The following SAMD5 variants were observed in gnomAD, a reference collection of about 807,000 sequenced individuals.
SAMD5 encodes sterile alpha motif domain containing 5.
Under a neutral mutation model 11.3 loss-of-function variants are expected in SAMD5, and 13 were observed. That is an observed-to-expected ratio of 1.15 (90% CI 0.75 to 1.83). The LOEUF is 1.83. SAMD5 is among the 40% of genes most tolerant of loss of function. SAMD5 has a pLI of 0.00. For missense variants in SAMD5, 255 were observed against 239.1 expected (o/e 1.07, Z -0.44); for synonymous variants, 129 against 111.3 (o/e 1.16, Z -1.00).
At chr6:147,829,221 G>C in the SAMD5 span, among the ~76,000 whole-genome samples, 2 of 152,180 alleles carry the variant, frequency 1.3e-5, no homozygotes, top group African/African-American at 2.4e-5. Context: ...CAAGCCAGTG[G>C]AGCAAATACA....
intron 1 of SAMD5, among the ~76,000 whole-genome samples, chr6:147,623,125 C>T (rs1789997072): frequency 6.6e-6 from 1 of 152,164 alleles, no homozygotes. Context: ...TTGGACAGAC[C>T]ATCTAGCCTG....
intron 1 of SAMD5, among the ~76,000 whole-genome samples, chr6:147,540,182 GA>G (rs932316981): frequency 2.0e-5 from 3 of 152,174 alleles, no homozygotes; most frequent in African/African-American, 4.8e-5. Flanking sequence ...TAATAGGGGG[GA>G]AAACCTCAAT....
the SAMD5 span, among the ~76,000 whole-genome samples, chr6:147,815,217 G>A: frequency 2.0e-5 from 3 of 152,222 alleles, no homozygotes; most frequent in Non-Finnish European, 4.4e-5. Context: ...CCCCTTACCA[G>A]CCTCGTTCAC....
chr6:147,874,299 A>G, the SAMD5 span, among the ~76,000 whole-genome samples: 610 of 152,298 alleles, frequency 4.0e-3, 1 homozygote, highest in African/African-American at 0.014. Flanking sequence ...ATTGATCTAA[A>G]ATGTCTCTAG....
chr6:147,834,705 G>A, the SAMD5 span, among the ~76,000 whole-genome samples: 1 of 152,176 alleles, frequency 6.6e-6, no homozygotes, highest in Non-Finnish European at 1.5e-5. Context: ...AGACAATACA[G>A]TTTGGCCTCT....
the SAMD5 span, among the ~76,000 whole-genome samples, chr6:147,933,844 T>C: frequency 6.6e-6 from 1 of 152,056 alleles, no homozygotes. Context: ...GGAAGAGAAA[T>C]GTGTCAAAAG....
the SAMD5 span, among the ~76,000 whole-genome samples, chr6:147,768,372 C>T: frequency 1.3e-5 from 2 of 152,082 alleles, no homozygotes; most frequent in South Asian, 4.1e-4. Flanking sequence ...GTAGCATGTG[C>T]CTGTAATCCC....
chr6:147,567,593 C>T lies in SAMD5; in HGVS notation c.*3137C>T. Reference sequence around the variant, plus strand: ...GCTTAAGAGTTCTATGGCTTACACCCACATACAGTCCTTGGCTCAGTGCTA... The same window carrying T: ...GCTTAAGAGTTCTATGGCTTACACCTACATACAGTCCTTGGCTCAGTGCTA... On this transcript the variant is annotated 3_prime_UTR_variant, in exon 2 of 2. Transcript: ENST00000367474. 2 of 940,802 alleles carry T rather than the reference C, an allele frequency of 2.1e-6. No individual in the cohort carries two copies. Among genetic ancestry groups the T allele is most frequent in the Non-Finnish European group, 1.3e-6 (1 of 789,738 alleles). 58.3% of individuals were successfully genotyped at this position (940,802 alleles called of 1,614,324 possible).
At chr6:147,830,353 T>C in the SAMD5 span, among the ~76,000 whole-genome samples, 2 of 147,284 alleles carry the variant, frequency 1.4e-5, no homozygotes, top group African/African-American at 5.1e-5. Flanking sequence ...ACTTCCCGGG[T>C]TCAAGCAATT....
the SAMD5 span, among the ~76,000 whole-genome samples, chr6:147,839,180 G>T: frequency 1.3e-5 from 2 of 152,056 alleles, no homozygotes; most frequent in Non-Finnish European, 2.9e-5. Flanking sequence ...TCACATGTGT[G>T]CCCCTCATCC....
At chr6:147,765,503 A>G in the SAMD5 span, among the ~76,000 whole-genome samples, 1 of 152,264 alleles carries the variant, frequency 6.6e-6, no homozygotes, top group African/African-American at 2.4e-5. Flanking sequence ...ATCCACAAGG[A>G]CAAAGAGAGC....
At chr6:147,764,314 C>G in the SAMD5 span, among the ~76,000 whole-genome samples, 1 of 152,128 alleles carries the variant, frequency 6.6e-6, no homozygotes, top group Non-Finnish European at 1.5e-5. Context: ...TGGGTCTGCT[C>G]TTAATCATAC....
the SAMD5 span, among the ~76,000 whole-genome samples, chr6:147,813,859 T>C: frequency 6.6e-6 from 1 of 152,238 alleles, no homozygotes; most frequent in Non-Finnish European, 1.5e-5. Context: ...TATATTTTAA[T>C]TGTGAAGGCT....
At chr6:147,894,433 T>G in the SAMD5 span, among the ~76,000 whole-genome samples, 1 of 152,136 alleles carries the variant, frequency 6.6e-6, no homozygotes, top group African/African-American at 2.4e-5. Flanking sequence ...AATGCCACAT[T>G]TTTGATACTG....
chr6:147,666,713 G>T (rs1790727191), intron 1 of SAMD5, among the ~76,000 whole-genome samples: 2 of 152,186 alleles, frequency 1.3e-5, no homozygotes, highest in South Asian at 4.1e-4. Flanking sequence ...TGTAAATACA[G>T]GGATATACAG....
chr6:147,641,440 A>AAGTG (rs1476315639), intron 1 of SAMD5, among the ~76,000 whole-genome samples: 7 of 152,276 alleles, frequency 4.6e-5, no homozygotes, highest in African/African-American at 1.7e-4. Flanking sequence ...TGTACCTGGT[A>AAGTG]AAGTGAAGTG....
Position 147,566,410 on chromosome 6 carries a change from A to C in SAMD5, c.*1954A>C, listed in dbSNP as rs1300419551. The C allele has an allele frequency of 1.0e-6, 1 of 984,900 alleles. No individual in the cohort carries two copies. Among genetic ancestry groups the C allele is most frequent in the Non-Finnish European group, 1.2e-6 (1 of 829,396 alleles). 61.0% of individuals were successfully genotyped at this position (984,900 alleles called of 1,614,324 possible). On this transcript the variant is annotated 3_prime_UTR_variant, in exon 2 of 2. Transcript: ENST00000367474. ...GTGATAACAAATGGCTTCCTGTTTGACCTCATTTCCAGGTGTCGCATCCGT... is the reference window on the plus strand; with the variant it reads ...GTGATAACAAATGGCTTCCTGTTTGCCCTCATTTCCAGGTGTCGCATCCGT...
chr6:147,768,142 TGGTATATACAGCTA>T, the SAMD5 span, among the ~76,000 whole-genome samples: 1 of 152,200 alleles, frequency 6.6e-6, no homozygotes, highest in Non-Finnish European at 1.5e-5. Context: ...TTTTTGGTGA[TGGTATATACAGCTA>T]GGTGTACCAA....
the SAMD5 span, among the ~76,000 whole-genome samples, chr6:147,917,709 T>C: frequency 6.6e-6 from 1 of 152,236 alleles, no homozygotes; most frequent in African/African-American, 2.4e-5. Context: ...TTTAAGTCTT[T>C]AGTCCATCTT....
Sources: gnomAD v4.1 joint callset for allele counts (sites outside exome capture counted in the v4.1 genomes callset) on GRCh38, gnomAD v4.1.1 for gene constraint, MANE v1.5 for transcripts, NCBI Gene and HGNC (gene_info 2026-07-23, HGNC 2026-07-21) for gene names.